The following KCNAB2 variants were observed in gnomAD, a reference collection of about 807,000 sequenced individuals.
KCNAB2 encodes the protein potassium voltage-gated channel subfamily A regulatory beta subunit 2.
A neutral mutation model predicts 63.6 loss-of-function variants in KCNAB2; 29 were observed. The observed-to-expected ratio is 0.46, with a 90% CI of 0.34 to 0.62. KCNAB2 has a LOEUF of 0.62. Ranked by LOEUF, KCNAB2 falls within the 20% of genes least tolerant of loss-of-function variation. The pLI, the probability that KCNAB2 is intolerant of heterozygous loss-of-function variation, is 0.01. For missense variants in KCNAB2, 359 were observed against 563.9 expected, an observed-to-expected ratio of 0.64 and a Z score of 3.68; for synonymous variants, 222 against 224.2, an observed-to-expected ratio of 0.99 and a Z score of 0.09.
intron 1 of KCNAB2, 61 bp downstream of exon 1, chr1:6,046,244 G>A (rs569448837): frequency 8.3e-6 from 8 of 967,502 alleles, no homozygotes; most frequent in African/African-American, 5.3e-5. Flanking sequence ...GCACGCATCC[G>A]CGGGAATGAA....
At chr1:6,037,767 C>T (rs149382969) in intron 1 of KCNAB2, among the ~76,000 whole-genome samples, 3 of 152,092 alleles carry the variant, frequency 2.0e-5, no homozygotes, top group African/African-American at 4.8e-5. Context: ...TCCAGCCCCC[C>T]AGTGCTGCAG....
chr1:6,069,966 G>C lies in KCNAB2; in HGVS notation c.219-2789G>C, dbSNP rs1254869967. On this transcript the variant is annotated intron_variant, in intron 2 of 15. Coordinates refer to ENST00000378083, the MANE Select transcript of KCNAB2 (RefSeq NM_001199862.2). This position sits in a 1 kb window ranked among gnomAD's most constrained non-coding sequence, Gnocchi z 5.4. ...CAGACCAGGAACAGATATGGAATCA[G>C]GGGCAGGGGCACCTTTTGCCAGCCC... Among the ~76,000 whole-genome samples, 1 of 152,180 alleles carries C rather than the reference G, an allele frequency of 6.6e-6. No homozygotes were observed. Among genetic ancestry groups the C allele is most frequent in the African/African-American group, 2.4e-5 (1 of 41,448 alleles).
chr1:6,036,772 G>T (rs1660074356), intron 1 of KCNAB2, among the ~76,000 whole-genome samples: 2 of 152,068 alleles, frequency 1.3e-5, no homozygotes, highest in Admixed American at 1.3e-4. Flanking sequence ...TTTTCTCAGG[G>T]GTCTGGGAAG....
intron 2 of KCNAB2, among the ~76,000 whole-genome samples, chr1:6,053,404 G>A (rs955641639): frequency 3.2e-4 from 49 of 152,144 alleles, no homozygotes; most frequent in African/African-American, 1.2e-3. Context: ...GAGAAGCAGC[G>A]AGCTTGCACG....
rs1657043823 is a variant in KCNAB2 at position 5,998,241 on chromosome 1, C to T, written c.-53+5453C>T. 2.0e-5 allele frequency among the ~76,000 whole-genome samples: 3 copies of T among 152,212 alleles called. No individual in the cohort carries two copies. The South Asian group carries it at 6.2e-4, about 31-fold the overall frequency. Reference sequence around the variant, plus strand: ...CTAGGGGAGGGCATCAGGGCCAAGGCCACCATGGGCTGGACAGTGATGGGG... The same window carrying T: ...CTAGGGGAGGGCATCAGGGCCAAGGTCACCATGGGCTGGACAGTGATGGGG... On this transcript the variant is annotated intron_variant, in intron 1 of 16. Coordinates refer to the KCNAB2 transcript ENST00000341524.
At position 6,090,607 on chromosome 1, in the gene KCNAB2, G is replaced by A. The variant is rs536587725; in HGVS notation, c.601+132G>A. 191 of 668,952 alleles carry A rather than the reference G, an allele frequency of 2.9e-4. 1 individual carries two copies. The African/African-American group carries it at 3.2e-3, about 11-fold the overall frequency. The allele number at this position is 668,952 out of a possible 1,614,324, so 41.4% of individuals were successfully genotyped here. A position where few individuals can be genotyped will look rare whatever the true frequency, so the allele number is the denominator to read the frequency against. On this transcript the variant is annotated intron_variant, in intron 9 of 15. Coordinates refer to ENST00000378083, the MANE Select transcript of KCNAB2 (RefSeq NM_001199862.2). ...GAGCCGTGAGAGGAGGCCGGGTCCA[G>A]GGTGGGGGGCGAGGGGGCAGGCCTC...
At chr1:5,996,790 C>T (rs1311360519) in intron 1 of KCNAB2, among the ~76,000 whole-genome samples, 4 of 152,284 alleles carry the variant, frequency 2.6e-5, no homozygotes, top group African/African-American at 7.2e-5. Flanking sequence ...CCCTGACTGC[C>T]GAGCAGCCGA....
chr1:6,045,653 C>T (rs914501316), upstream of KCNAB2, among the ~76,000 whole-genome samples: 43 of 152,308 alleles, frequency 2.8e-4, no homozygotes, highest in Admixed American at 2.5e-3. This position sits in a 1 kb window ranked among gnomAD's most constrained non-coding sequence, Gnocchi z 4.8. Flanking sequence ...CCCCATACGA[C>T]GGGGCCCCCA....
At position 6,098,834 on chromosome 1, in the gene KCNAB2, C is replaced by T; in HGVS notation, c.*260C>T. ...AAACGGTCCCACCCAAGCCTGTCACCTCTGCTCATCCTCCAAGACCACCCA... is the reference window on the plus strand; with the variant it reads ...AAACGGTCCCACCCAAGCCTGTCACTTCTGCTCATCCTCCAAGACCACCCA... On this transcript the variant is annotated 3_prime_UTR_variant, in exon 16 of 16. Coordinates refer to ENST00000378083, the MANE Select transcript of KCNAB2 (RefSeq NM_001199862.2). The T allele has an allele frequency of 2.6e-6, 1 of 389,182 alleles. No individual in the cohort carries two copies. Among genetic ancestry groups the T allele is most frequent in the South Asian group, 3.4e-5 (1 of 29,452 alleles). 24.1% of individuals were successfully genotyped at this position (389,182 alleles called of 1,614,324 possible). A position where few individuals can be genotyped will look rare whatever the true frequency, so the allele number is the denominator to read the frequency against.
At chr1:6,082,680 A>G (rs1000830857) in intron 5 of KCNAB2, among the ~76,000 whole-genome samples, 12 of 152,154 alleles carry the variant, frequency 7.9e-5, no homozygotes, top group African/African-American at 2.7e-4. Flanking sequence ...TGTGGGGAGC[A>G]CTTCCCATCT....
At chr1:6,033,737 C>T (rs973347619), upstream of KCNAB2, among the ~76,000 whole-genome samples, 1 of 152,206 alleles carries the variant, frequency 6.6e-6, no homozygotes, top group African/African-American at 2.4e-5. Flanking sequence ...CTGTCCTTGT[C>T]AGCCAACCAC....
In KCNAB2 at chr1:6,073,605, G is replaced by T; in HGVS notation, c.263-128G>T. ...TGTCCACACACACTAAGGACACCCTGGCCACAGAGCAGCACAGAGGGACAC... is the reference window on the plus strand; with the variant it reads ...TGTCCACACACACTAAGGACACCCTTGCCACAGAGCAGCACAGAGGGACAC... On this transcript the variant is annotated intron_variant, in intron 3 of 15. Coordinates refer to ENST00000378083, the MANE Select transcript of KCNAB2 (RefSeq NM_001199862.2). This position sits in a 1 kb window ranked among gnomAD's most constrained non-coding sequence, Gnocchi z 5.7. 1.2e-6 allele frequency: 1 copy of T among 827,196 alleles called. No individual in the cohort carries two copies. Among genetic ancestry groups the T allele is most frequent in the South Asian group, 1.4e-5 (1 of 70,826 alleles). 51.2% of individuals were successfully genotyped at this position (827,196 alleles called of 1,614,324 possible). A position where few individuals can be genotyped will look rare whatever the true frequency, so the allele number is the denominator to read the frequency against.
At position 6,099,824 on chromosome 1, in the gene KCNAB2, C is replaced by A; in HGVS notation, c.*1250C>A. On this transcript the variant is annotated 3_prime_UTR_variant, in exon 16 of 16. Coordinates refer to ENST00000378083, the MANE Select transcript of KCNAB2 (RefSeq NM_001199862.2). Reference sequence around the variant, plus strand: ...TGCCTGACACCTGGGACAGGCTGGGCAGAGGGGAGAGAGGGCAGGACAGGC... The same window carrying A: ...TGCCTGACACCTGGGACAGGCTGGGAAGAGGGGAGAGAGGGCAGGACAGGC... The A allele has an allele frequency of 6.5e-7, 1 of 1,534,802 alleles. No homozygotes were observed. The highest frequency in any genetic ancestry group is 8.8e-7 in the Non-Finnish European group (1 of 1,139,028).
At chr1:6,027,003 AG>A (rs1026393016) in intron 1 of KCNAB2, among the ~76,000 whole-genome samples, 3 of 152,188 alleles carry the variant, frequency 2.0e-5, no homozygotes, top group Non-Finnish European at 4.4e-5. Flanking sequence ...GGCTGAGCAC[AG>A]GGCAGTGGTG....
intron 1 of KCNAB2, among the ~76,000 whole-genome samples, chr1:6,005,797 C>T (rs1052159147): frequency 5.9e-5 from 9 of 151,868 alleles, no homozygotes; most frequent in South Asian, 2.1e-4. Context: ...GGATGCCGGC[C>T]GGAGTTTCCC....
At position 6,098,630 on chromosome 1, in the gene KCNAB2, T is replaced by G. The variant is rs528376733; in HGVS notation, c.*56T>G. 1.9e-4 allele frequency: 300 copies of G among 1,588,418 alleles called. 5 individuals are homozygous for G. The highest frequency in any genetic ancestry group is 1.4e-3 in the South Asian group (123 of 88,516). On this transcript the variant is annotated 3_prime_UTR_variant, in exon 16 of 16. Coordinates refer to ENST00000378083, the MANE Select transcript of KCNAB2 (RefSeq NM_001199862.2). ...CCGTTCCCTCCTAGTCTCTGTTCGC[T>G]CGCTTAAGCTGTTTTGAAGCCAAGT... is the stretch of plus-strand genomic sequence containing the variant.
Position 6,097,321 on chromosome 1 carries a change from T to G in KCNAB2, c.1122T>G (p.Asn374Lys). ...GVSSVLLGASNADQLMENIGA... is the reference protein window; with the variant it reads ...GVSSVLLGASKADQLMENIGA... Reference sequence around the variant, plus strand: ...GCTCCGTGCTCCTGGGGGCCTCCAATGCGGACCAGCTCATGGAGAACATTG... The same window carrying G: ...GCTCCGTGCTCCTGGGGGCCTCCAAGGCGGACCAGCTCATGGAGAACATTG... The change falls in exon 15 of 16, where the codon AAT (asparagine) becomes AAG (lysine). Residue 374 changes from asparagine to lysine, a missense_variant. Transcript: ENST00000378083. 6.4e-7 allele frequency: 1 copy of G among 1,552,888 alleles called. No homozygotes were observed. The highest frequency in any genetic ancestry group is 8.7e-7 in the Non-Finnish European group (1 of 1,147,624).
chr1:6,046,099 C>T lies in KCNAB2; in HGVS notation c.-111C>T. ...GTGACACTCCCTAATGAAAAAGCCGCTGTGCCAGATCCTTAGAGTGTCTGG... is the reference window on the plus strand; with the variant it reads ...GTGACACTCCCTAATGAAAAAGCCGTTGTGCCAGATCCTTAGAGTGTCTGG... On this transcript the variant is annotated 5_prime_UTR_variant, in exon 1 of 16. Coordinates refer to ENST00000378083, the MANE Select transcript of KCNAB2 (RefSeq NM_001199862.2). The T allele has an allele frequency of 1.0e-6, 1 of 985,440 alleles. No homozygotes were observed. 61.0% of individuals were successfully genotyped at this position (985,440 alleles called of 1,614,324 possible).
At chr1:6,067,988 G>A (rs948655337) in intron 2 of KCNAB2, among the ~76,000 whole-genome samples, 1 of 152,176 alleles carries the variant, frequency 6.6e-6, no homozygotes, top group Non-Finnish European at 1.5e-5. Context: ...CCAAGATCAC[G>A]CCACAGCACT....
Sources: gnomAD v4.1 joint callset for allele counts (sites outside exome capture counted in the v4.1 genomes callset) on GRCh38, gnomAD v4.1.1 for gene constraint, Gnocchi (gnomAD v3.1) non-coding constraint, MANE v1.5 for transcripts, NCBI Gene and HGNC (gene_info 2026-07-23, HGNC 2026-07-21) for gene names.